Variants in PRPF19 observed in about 807,000 individuals in gnomAD.
PRPF19 encodes pre-mRNA-processing factor 19.
PRPF19 carries 2 observed loss-of-function variants against 64.2 expected under a neutral mutation model. The ratio of observed to expected loss-of-function variants is 0.03; its 90% CI spans 0.01 to 0.10. PRPF19 has a LOEUF of 0.10. Among genes scored for constraint, PRPF19 ranks in the 10% least tolerant of loss-of-function variants. The probability of loss-of-function intolerance (pLI) is 1.00; values close to 1 mark genes in which losing one functional copy is unlikely to be tolerated. For missense variants in PRPF19, 314 were observed against 650.0 expected, an observed-to-expected ratio of 0.48 and a Z score of 5.62; for synonymous variants, 226 against 251.6, an observed-to-expected ratio of 0.90 and a Z score of 0.96.
In PRPF19 at chr11:60,898,479, C is replaced by A; in HGVS notation, c.1140+62G>T. 6.2e-7 allele frequency: 1 copy of A among 1,611,936 alleles called. No homozygotes were observed. The highest frequency in any genetic ancestry group is 8.5e-7 in the Non-Finnish European group (1 of 1,179,060). The stretch of plus-strand genomic sequence containing the variant: ...AGGTGCCACAAGCACCTAATTAGCA[C>A]TGCATTGTCACAAACACTCCCTCTG... On this transcript the variant is annotated intron_variant, in intron 13 of 15. Transcript: ENST00000227524. This position sits in a 1 kb window ranked among gnomAD's most constrained non-coding sequence, Gnocchi z 4.6.
Position 60,906,364 on chromosome 11 carries a change from T to C in PRPF19, c.19A>G (p.Ile7Val), listed in dbSNP as rs1188435791. The change falls in exon 1 of 16, where the codon ATC becomes GTC. Residue 7 changes from isoleucine to valine, a missense_variant and splice_region_variant. Ile to Val is a conservative substitution (Grantham distance 29). Transcript: ENST00000227524. MSLICS[I>V]SNEVPEHPCV... Reference sequence around the variant, plus strand: ...GCGCTTGGCCGCAGCCAACACTCACTGGAGCAGATTAGGGACATGGCGCCG... The same window carrying C: ...GCGCTTGGCCGCAGCCAACACTCACCGGAGCAGATTAGGGACATGGCGCCG... The C allele has an allele frequency of 1.9e-6, 3 of 1,599,796 alleles. No homozygotes were observed. Among genetic ancestry groups the C allele is most frequent in the Non-Finnish European group, 2.6e-6 (3 of 1,174,920 alleles).
chr11:60,890,898 G>A lies in PRPF19; in HGVS notation c.*268C>T, dbSNP rs1184246783. 1 of 575,814 alleles carries A rather than the reference G, an allele frequency of 1.7e-6. No individual in the cohort carries two copies. The highest frequency in any genetic ancestry group is 3.3e-6 in the Non-Finnish European group (1 of 305,142). 35.7% of individuals were successfully genotyped at this position (575,814 alleles called of 1,614,324 possible). A position where few individuals can be genotyped will look rare whatever the true frequency, so the allele number is the denominator to read the frequency against. The stretch of plus-strand genomic sequence containing the variant: ...CACCACGTCCATTGAACGACAGGAA[G>A]GGAGAGGCCCTGGGCTCCGACCCTG... On this transcript the variant is annotated 3_prime_UTR_variant, in exon 16 of 16. Transcript: ENST00000227524.
intron 15 of PRPF19, among the ~76,000 whole-genome samples, chr11:60,897,184 T>C (rs933374077): frequency 2.6e-5 from 4 of 152,232 alleles, no homozygotes; most frequent in Admixed American, 2.6e-4. Context: ...TCTTATACCT[T>C]ATTTTTACTG....
chr11:60,899,473 G>GGTAA (rs1855958243), intron 10 of PRPF19, among the ~76,000 whole-genome samples, 169 bp from the exon 11 acceptor site: 1 of 152,208 alleles, frequency 6.6e-6, no homozygotes, highest in Non-Finnish European at 1.5e-5. Flanking sequence ...GACAGCCAAT[G>GGTAA]GTAAACGCTA....
At chr11:60,893,260 G>A (rs532971417) in intron 15 of PRPF19, among the ~76,000 whole-genome samples, 1 of 152,144 alleles carries the variant, frequency 6.6e-6, no homozygotes, top group East Asian at 1.9e-4. Context: ...GGGAGGCCGA[G>A]GTGGGCAGAT....
rs1182660789 is a variant in PRPF19 at position 60,891,035 on chromosome 11, G to A, written c.*131C>T. ...GGTTCTCAGGCCACCACTCAGACCA[G>A]AGTGAAATGATGTGAATGTCCCACC... On this transcript the variant is annotated 3_prime_UTR_variant, in exon 16 of 16. Coordinates refer to ENST00000227524, the MANE Select transcript of PRPF19 (RefSeq NM_014502.5). The A allele has an allele frequency of 1.1e-5, 8 of 698,946 alleles. No homozygotes were observed. Among genetic ancestry groups the A allele is most frequent in the Non-Finnish European group, 2.0e-5 (8 of 409,712 alleles). 43.3% of individuals were successfully genotyped at this position (698,946 alleles called of 1,614,324 possible).
Position 60,898,392 on chromosome 11 carries a change from AC to A in PRPF19, c.1141-122del. The A allele has an allele frequency of 5.3e-6, 8 of 1,504,888 alleles. No homozygotes were observed. The highest frequency in any genetic ancestry group is 5.4e-6 in the Non-Finnish European group (6 of 1,117,888). The allele number at this position is 1,504,888 out of a possible 1,614,324, so 93.2% of individuals were successfully genotyped here. On this transcript the variant is annotated intron_variant, in intron 13 of 15. Coordinates refer to ENST00000227524, the MANE Select transcript of PRPF19 (RefSeq NM_014502.5). This position sits in a 1 kb window ranked among gnomAD's most constrained non-coding sequence, Gnocchi z 4.6. ...CCTTCCAGGAAGGACAGCCAGCGGGACCCCCCAGACCACACCATCATATCAC... is the reference window on the plus strand; with the variant it reads ...CCTTCCAGGAAGGACAGCCAGCGGGACCCCCAGACCACACCATCATATCAC...
intron 15 of PRPF19, among the ~76,000 whole-genome samples, chr11:60,893,774 G>C (rs1316638855): frequency 1.3e-5 from 2 of 152,102 alleles, no homozygotes; most frequent in Non-Finnish European, 2.9e-5. Flanking sequence ...GGCCAACATG[G>C]GGAAACCCCG....
chr11:60,890,694 C>T lies in PRPF19; in HGVS notation c.*472G>A. 2 of 454,526 alleles carry T rather than the reference C, an allele frequency of 4.4e-6. No individual in the cohort carries two copies. The highest frequency in any genetic ancestry group is 8.8e-6 in the Non-Finnish European group (2 of 226,088). The allele number at this position is 454,526 out of a possible 1,614,324, so 28.2% of individuals were successfully genotyped here. ...CCCTTGACCTTCCCAGTCCCAGGTG[C>T]TCCTGGTGCAGACAGACACGGGGAG... On this transcript the variant is annotated 3_prime_UTR_variant, in exon 16 of 16. Transcript: ENST00000227524.
At chr11:60,900,502 T>C in intron 10 of PRPF19, 80 bp downstream of exon 10, 1 of 1,192,424 alleles carries the variant, frequency 8.4e-7, no homozygotes, top group Non-Finnish European at 1.2e-6. Context: ...CCAGCCCCAC[T>C]TCACAGAGAC....
At chr11:60,894,690 T>C (rs913017855) in intron 15 of PRPF19, among the ~76,000 whole-genome samples, 7 of 152,156 alleles carry the variant, frequency 4.6e-5, no homozygotes, top group African/African-American at 1.7e-4. Context: ...GTGAATCCTT[T>C]CCAGGTTTTC....
At chr11:60,897,213 A>G (rs976342757) in intron 15 of PRPF19, among the ~76,000 whole-genome samples, 1 of 152,218 alleles carries the variant, frequency 6.6e-6, no homozygotes, top group Non-Finnish European at 1.5e-5. Context: ...CTATGTTTAC[A>G]CTTGTTTAGA....
At position 60,891,079 on chromosome 11, in the gene PRPF19, C is replaced by CCCCCA; in HGVS notation, c.*86_*87insTGGGG. On this transcript the variant is annotated 3_prime_UTR_variant, in exon 16 of 16. Coordinates refer to ENST00000227524, the MANE Select transcript of PRPF19 (RefSeq NM_014502.5). The stretch of plus-strand genomic sequence containing the variant: ...TCCCACCCCACAGAGCCCCCTCCCC[C>CCCCCA]CATAGATTCCCCCCACCCCCCCCCC... The CCCCCA allele has an allele frequency of 5.4e-6, 1 of 186,406 alleles. No homozygotes were observed. The highest frequency in any genetic ancestry group is 1.0e-5 in the Non-Finnish European group (1 of 98,590). 11.5% of individuals were successfully genotyped at this position (186,406 alleles called of 1,614,324 possible). A position where few individuals can be genotyped will look rare whatever the true frequency, so the allele number is the denominator to read the frequency against.
intron 15 of PRPF19, among the ~76,000 whole-genome samples, chr11:60,897,354 C>T (rs1035901013): frequency 6.6e-6 from 1 of 152,198 alleles, no homozygotes; most frequent in Admixed American, 6.5e-5. Flanking sequence ...GTAGGCTACA[C>T]CATTTAGATA....
chr11:60,897,729 G>A, intron 15 of PRPF19, 117 bp downstream of exon 15: 1 of 813,518 alleles, frequency 1.2e-6, no homozygotes. Flanking sequence ...GCCTCAGGTG[G>A]TAACAGAAAG....
intron 15 of PRPF19, chr11:60,897,605 T>C: frequency 2.5e-6 from 1 of 397,822 alleles, no homozygotes; most frequent in East Asian, 4.2e-5. Context: ...CAGAGGGACT[T>C]TTCTCTCCCT....
At position 60,898,254 on chromosome 11, in the gene PRPF19, G is replaced by A. The variant is rs1855943499; in HGVS notation, c.1158C>T (p.Ala386=). Residue 386 remains alanine (A), a synonymous_variant, in exon 14 of 16, where the codon GCC becomes GCT. Coordinates refer to ENST00000227524, the MANE Select transcript of PRPF19 (RefSeq NM_014502.5). This position sits in a 1 kb window ranked among gnomAD's most constrained non-coding sequence, Gnocchi z 4.6. ...IWDLKERTNV[A]NFPGHSGPIT... is the part of the protein sequence containing the mutation. ...TGGGGCCCGAGTGGCCAGGGAAGTT[G>A]GCCACATTAGTACGTTCCTACAGTG... is the stretch of plus-strand genomic sequence containing the variant. 1 of 1,613,686 alleles carries A rather than the reference G, an allele frequency of 6.2e-7. No homozygotes were observed. The highest frequency in any genetic ancestry group is 1.3e-5 in the African/African-American group (1 of 74,886).
intron 1 of PRPF19, among the ~76,000 whole-genome samples, chr11:60,904,497 C>CA (rs1334232451): frequency 1.3e-5 from 2 of 152,208 alleles, no homozygotes; most frequent in Non-Finnish European, 2.9e-5. Context: ...ATGCCAATCG[C>CA]AAGCCCCAGG....
chr11:60,901,613 C>T lies in PRPF19; in HGVS notation c.526-73G>A, dbSNP rs140741951. 4.1e-4 allele frequency: 643 copies of T among 1,560,848 alleles called. 5 individuals are homozygous for T. The African/African-American group carries it at 4.6e-3, about 11-fold the overall frequency. Reference sequence around the variant, plus strand: ...AAAGTACATTAGATGCTGGTCACACCTGTGCTTTCAAAAGCAGCACCAAGA... The same window carrying T: ...AAAGTACATTAGATGCTGGTCACACTTGTGCTTTCAAAAGCAGCACCAAGA... On this transcript the variant is annotated intron_variant, in intron 6 of 15. Transcript: ENST00000227524.
Sources: gnomAD v4.1 joint callset for allele counts (sites outside exome capture counted in the v4.1 genomes callset) on GRCh38, gnomAD v4.1.1 for gene constraint, Gnocchi (gnomAD v3.1) non-coding constraint, MANE v1.5 for transcripts, NCBI Gene and HGNC (gene_info 2026-07-23, HGNC 2026-07-21) for gene names.